Variants in SPG11 observed in about 807,000 individuals in gnomAD.
SPG11 encodes the protein SPG11 vesicle trafficking associated, spatacsin.
A neutral mutation model predicts 274.0 loss-of-function variants in SPG11; 222 were observed. The observed-to-expected ratio is 0.81, with a 90% CI of 0.73 to 0.91. The LOEUF is 0.91. Ranked by LOEUF, SPG11 falls within the 40% of genes least tolerant of loss-of-function variation. The probability of loss-of-function intolerance (pLI) is 0.00; values close to 1 mark genes in which losing one functional copy is unlikely to be tolerated. For synonymous variants in SPG11, 1,144 were observed against 1,039.7 expected (o/e 1.10, Z -1.93); for missense variants, 3,114 against 2,872.7 (o/e 1.08, Z -1.92).
chr15:44,583,078 A>ACTCT (rs143678587), intron 30 of SPG11, among the ~76,000 whole-genome samples: 10,471 of 152,154 alleles, frequency 0.069, 929 homozygotes, highest in African/African-American at 0.19. Context: ...CAGAAATACA[A>ACTCT]CTCTATTTGC....
In SPG11 at chr15:44,663,542, C is replaced by G; in HGVS notation, c.106G>C (p.Glu36Gln). 1 of 1,597,782 alleles carries G rather than the reference C, an allele frequency of 6.3e-7. No individual in the cohort carries two copies. The highest frequency in any genetic ancestry group is 8.5e-7 in the Non-Finnish European group (1 of 1,173,228). Residue 36 changes from glutamate to glutamine, a missense_variant, in exon 1 of 40, where the codon GAG becomes CAG. Transcript: ENST00000261866. ...LPMLLVPVPA[E>Q]AMGQLGSRAQ... ...CGGGAGCCGAGCTGCCCCATCGCCT[C>G]GGCGGGGACTGGCACCAACAGCATC...
At chr15:44,655,453 T>C (rs1189063382) in intron 4 of SPG11, among the ~76,000 whole-genome samples, 8 of 152,136 alleles carry the variant, frequency 5.3e-5, no homozygotes, top group African/African-American at 1.4e-4. Flanking sequence ...ACATGTACCA[T>C]GGGTTGAGGT....
chr15:44,563,307 T>C lies in SPG11; in HGVS notation c.7152-6A>G, dbSNP rs2082233766. Reference sequence around the variant, plus strand: ...TAGGCTGATGTTGTTTATATCTAGATAAAGAAACATAATGTACAGGTTAAG... The same window carrying C: ...TAGGCTGATGTTGTTTATATCTAGACAAAGAAACATAATGTACAGGTTAAG... On this transcript the variant is annotated splice_polypyrimidine_tract_variant and splice_region_variant and intron_variant, in intron 39 of 39. Transcript: ENST00000261866. 1.2e-6 allele frequency: 2 copies of C among 1,609,418 alleles called. No individual in the cohort carries two copies. Among genetic ancestry groups the C allele is most frequent in the Non-Finnish European group, 1.7e-6 (2 of 1,176,124 alleles).
intron 4 of SPG11, among the ~76,000 whole-genome samples, chr15:44,655,610 G>C (rs2084917702): frequency 6.6e-6 from 1 of 151,526 alleles, no homozygotes; most frequent in Non-Finnish European, 1.5e-5. Context: ...TTACTTTATT[G>C]TAAGAATATA....
At chr15:44,632,901 A>T (rs555094812) in intron 8 of SPG11, among the ~76,000 whole-genome samples, 1 of 152,324 alleles carries the variant, frequency 6.6e-6, no homozygotes, top group Admixed American at 6.5e-5. Flanking sequence ...TTTTCCAAAT[A>T]AATGTTTTTC....
chr15:44,632,656 C>T (rs868466567), intron 8 of SPG11, among the ~76,000 whole-genome samples: 2 of 151,846 alleles, frequency 1.3e-5, no homozygotes, highest in South Asian at 2.1e-4. Context: ...ACTATGGATG[C>T]GTCATCATGC....
chr15:44,608,662 T>G, intron 18 of SPG11, 57 bp from the exon 19 acceptor site: 1 of 1,559,078 alleles, frequency 6.4e-7, no homozygotes, highest in Non-Finnish European at 8.8e-7. Flanking sequence ...TCTCAAAGTT[T>G]CTTTTTTTCA....
intron 28 of SPG11, among the ~76,000 whole-genome samples, chr15:44,588,044 A>G (rs940855572): frequency 7.9e-5 from 12 of 152,194 alleles, no homozygotes; most frequent in African/African-American, 2.7e-4. Context: ...ACAGCCTGCA[A>G]CAACTGGCTC....
chr15:44,658,745 C>G (rs1484638168), intron 3 of SPG11, among the ~76,000 whole-genome samples: 1 of 152,092 alleles, frequency 6.6e-6, no homozygotes, highest in East Asian at 1.9e-4. Context: ...AGGCGTGAGC[C>G]ACCGCACCTG....
intron 20 of SPG11, among the ~76,000 whole-genome samples, chr15:44,602,699 G>A (rs1378762306): frequency 2.0e-5 from 3 of 151,864 alleles, no homozygotes; most frequent in African/African-American, 7.3e-5. Flanking sequence ...AGCCAGGATG[G>A]TCTCTATCTC....
At position 44,641,696 on chromosome 15, in the gene SPG11, T is replaced by C. The variant is rs558902603; in HGVS notation, c.1602+7170A>G. The stretch of plus-strand genomic sequence containing the variant: ...TACCATCATACTGGAAAAAACGTTA[T>C]AAATTAAGTGCTGGCAAGAACATCA... On this transcript the variant is annotated intron_variant, in intron 7 of 39. Transcript: ENST00000261866. Among the ~76,000 whole-genome samples, 94 of 149,336 alleles carry C rather than the reference T, an allele frequency of 6.3e-4. 3 individuals carry two copies. In the South Asian group the frequency reaches 0.02, roughly 31 times the overall value.
chr15:44,570,745 G>A, intron 33 of SPG11, 87 bp from the exon 34 acceptor site: 1 of 1,533,434 alleles, frequency 6.5e-7, no homozygotes. Context: ...AAAAGGGCCT[G>A]GTGGAGAAGG....
At position 44,652,136 on chromosome 15, in the gene SPG11, T is replaced by A; in HGVS notation, c.1000A>T (p.Ile334Phe). Reference sequence around the variant, plus strand: ...AAAAGGAAGTTTCTGTACCTATCAATTTGGAAGGAAAACTTGGCCAGTTTC... The same window carrying A: ...AAAAGGAAGTTTCTGTACCTATCAAATTGGAAGGAAAACTTGGCCAGTTTC... ...NMKLAKFSFQIDRSWKAQLSS... is the reference protein window; with the variant it reads ...NMKLAKFSFQFDRSWKAQLSS... Residue 334 changes from isoleucine to phenylalanine, a missense_variant, in exon 5 of 40, where the codon ATT becomes TTT. Physicochemically the swap from Ile to Phe is conservative, Grantham distance 21. Transcript: ENST00000261866. The A allele has an allele frequency of 6.2e-7, 1 of 1,614,066 alleles. No individual in the cohort carries two copies. The highest frequency in any genetic ancestry group is 8.5e-7 in the Non-Finnish European group (1 of 1,179,980).
intron 4 of SPG11, 117 bp from the exon 5 acceptor site, chr15:44,652,383 C>T (rs575982851): frequency 1.6e-5 from 18 of 1,100,300 alleles, no homozygotes; most frequent in East Asian, 5.1e-5. Flanking sequence ...CAACAAATTC[C>T]GCAGAAAGGA....
At chr15:44,581,043 G>A (rs1476688990) in intron 30 of SPG11, among the ~76,000 whole-genome samples, 1 of 151,832 alleles carries the variant, frequency 6.6e-6, no homozygotes, top group South Asian at 2.1e-4. Context: ...TAATCAAACT[G>A]CTGAAGACCA....
At position 44,663,546 on chromosome 15, in the gene SPG11, G is replaced by A. The variant is rs2085186815; in HGVS notation, c.102C>T (p.Pro34=). 19 of 1,597,642 alleles carry A rather than the reference G, an allele frequency of 1.2e-5. No homozygotes were observed. Among genetic ancestry groups the A allele is most frequent in the East Asian group, 2.3e-5 (1 of 44,188 alleles). Residue 34 remains proline (P), a synonymous_variant, in exon 1 of 40, where the codon CCC becomes CCT. Transcript: ENST00000261866. ...AGCCGAGCTGCCCCATCGCCTCGGC[G>A]GGGACTGGCACCAACAGCATCGGTA... The part of the protein sequence containing the change: ...RVLPMLLVPV[P]AEAMGQLGSR...
At chr15:44,566,677 G>A (rs1045081034) in intron 36 of SPG11, among the ~76,000 whole-genome samples, 2 of 152,042 alleles carry the variant, frequency 1.3e-5, no homozygotes, top group African/African-American at 4.8e-5. Context: ...CCAAGTGGGG[G>A]TCCTGCTGAG....
intron 26 of SPG11, among the ~76,000 whole-genome samples, chr15:44,594,704 A>G (rs901357092): frequency 6.7e-5 from 10 of 149,978 alleles, no homozygotes; most frequent in African/African-American, 2.5e-4. Flanking sequence ...TTGAGGCTGG[A>G]GTGAGCCTTA....
chr15:44,629,197 C>T, intron 9 of SPG11, 36 bp downstream of exon 9: 1 of 1,607,358 alleles, frequency 6.2e-7, no homozygotes, highest in Non-Finnish European at 8.5e-7. Flanking sequence ...GACACAGGAA[C>T]AGTAGAATTG....
Sources: allele counts gnomAD v4.1 joint callset (sites outside exome capture counted in the v4.1 genomes callset), GRCh38; gene constraint gnomAD v4.1.1; transcripts MANE v1.5; gene names NCBI Gene and HGNC (gene_info 2026-07-23, HGNC 2026-07-21).